GABBR2: variants seen among roughly 807,000 people sequenced by gnomAD.
GABBR2 encodes gamma-aminobutyric acid type B receptor subunit 2.
In GABBR2, 23 loss-of-function variants were observed where a neutral mutation model predicts 105.6. The observed-to-expected ratio is 0.22, with a 90% CI of 0.16 to 0.31. The LOEUF is 0.31. GABBR2 is among the 10% of genes least tolerant of loss of function. The pLI, the probability that GABBR2 is intolerant of heterozygous loss-of-function variation, is 1.00. For missense variants in GABBR2, 734 were observed against 1,245.5 expected (o/e 0.59, Z 6.18); for synonymous variants, 478 against 499.7 (o/e 0.96, Z 0.58).
At chr9:98,635,810 G>C (rs568499985) in intron 1 of GABBR2, among the ~76,000 whole-genome samples, 119 of 152,264 alleles carry the variant, frequency 7.8e-4, no homozygotes, top group Non-Finnish European at 9.6e-4. Context: ...TCTTAGACTG[G>C]GTACAGGATT....
chr9:98,402,864 G>T (rs559892949), intron 8 of GABBR2, among the ~76,000 whole-genome samples: 1 of 152,094 alleles, frequency 6.6e-6, no homozygotes, highest in Admixed American at 6.5e-5. Flanking sequence ...GGTAGATAAG[G>T]CACCTCTGAA....
intron 3 of GABBR2, among the ~76,000 whole-genome samples, chr9:98,507,626 T>A (rs1564096845): frequency 6.6e-6 from 1 of 152,190 alleles, no homozygotes; most frequent in Non-Finnish European, 1.5e-5. Flanking sequence ...AGGAAACTGA[T>A]ACAATAAGCT....
At chr9:98,380,861 T>C (rs539596297) in intron 11 of GABBR2, among the ~76,000 whole-genome samples, 12 of 152,322 alleles carry the variant, frequency 7.9e-5, no homozygotes, top group Admixed American at 3.3e-4. Context: ...GTGACTGTCA[T>C]AGGTTTCTGC....
At chr9:98,483,454 C>T (rs553798457) in intron 4 of GABBR2, among the ~76,000 whole-genome samples, 1 of 152,264 alleles carries the variant, frequency 6.6e-6, no homozygotes, top group South Asian at 2.1e-4. Flanking sequence ...CCATGGCTTC[C>T]TGAGGTTTGC....
At chr9:98,668,474 A>C (rs191135700) in intron 1 of GABBR2, among the ~76,000 whole-genome samples, 6 of 152,318 alleles carry the variant, frequency 3.9e-5, no homozygotes, top group Admixed American at 3.3e-4. Flanking sequence ...GAAAGCTAAC[A>C]TTTTAACTTT....
intron 1 of GABBR2, among the ~76,000 whole-genome samples, chr9:98,690,229 T>G (rs1181938342): frequency 6.6e-6 from 1 of 152,162 alleles, no homozygotes; most frequent in East Asian, 1.9e-4. Context: ...TTGGAGCAGG[T>G]GCCTTTCCCC....
At chr9:98,577,546 C>A (rs1249185599) in intron 2 of GABBR2, among the ~76,000 whole-genome samples, 1 of 152,176 alleles carries the variant, frequency 6.6e-6, no homozygotes, top group East Asian at 1.9e-4. Context: ...GAGCAGGGCT[C>A]TGAGGCCCAA....
intron 7 of GABBR2, among the ~76,000 whole-genome samples, chr9:98,420,544 C>T (rs1832765373): frequency 6.6e-6 from 1 of 152,178 alleles, no homozygotes; most frequent in South Asian, 2.1e-4. Flanking sequence ...TACAACAATC[C>T]CCAAGACTTA....
intron 1 of GABBR2, among the ~76,000 whole-genome samples, chr9:98,644,096 C>A (rs1830001445): frequency 6.6e-6 from 1 of 152,260 alleles, no homozygotes. Context: ...TGCACTGTCA[C>A]CTGGAAAGCG....
intron 7 of GABBR2, among the ~76,000 whole-genome samples, chr9:98,446,405 T>C (rs1826130749): frequency 6.6e-6 from 1 of 152,234 alleles, no homozygotes; most frequent in Admixed American, 6.5e-5. Context: ...TGTAAGTAAC[T>C]TCTCCAAGGT....
At chr9:98,637,938 A>G (rs879603404) in intron 1 of GABBR2, among the ~76,000 whole-genome samples, 3 of 152,250 alleles carry the variant, frequency 2.0e-5, no homozygotes, top group Non-Finnish European at 4.4e-5. Flanking sequence ...CATACTATAT[A>G]CTGGATAGTG....
intron 13 of GABBR2, among the ~76,000 whole-genome samples, chr9:98,353,657 A>G (rs189318199): frequency 3.1e-4 from 47 of 152,340 alleles, no homozygotes; most frequent in African/African-American, 1.1e-3. Context: ...TGAAAACAAC[A>G]TTCATCTTCT....
intron 2 of GABBR2, among the ~76,000 whole-genome samples, chr9:98,555,494 C>A (rs369401897): frequency 4.5e-4 from 68 of 152,314 alleles, no homozygotes; most frequent in African/African-American, 1.6e-3. Flanking sequence ...ATTTTCCCCT[C>A]ACAGCTGTGC....
intron 14 of GABBR2, among the ~76,000 whole-genome samples, chr9:98,308,445 A>C (rs1467855527): frequency 1.3e-5 from 2 of 152,338 alleles, no homozygotes; most frequent in Non-Finnish European, 2.9e-5. Context: ...TGGTGACTCT[A>C]AAAGATATGT....
chr9:98,433,851 C>T (rs772394530), intron 7 of GABBR2, among the ~76,000 whole-genome samples: 4 of 152,076 alleles, frequency 2.6e-5, no homozygotes, highest in Non-Finnish European at 2.9e-5. Flanking sequence ...AGGGCTGAAC[C>T]TTATGGAGAG....
At chr9:98,498,567 A>C (rs1014978958) in intron 3 of GABBR2, among the ~76,000 whole-genome samples, 2 of 152,210 alleles carry the variant, frequency 1.3e-5, no homozygotes, top group African/African-American at 4.8e-5. Flanking sequence ...TCTTTGACAG[A>C]AATATGAAGC....
rs550453138 is a variant in GABBR2, at chr9:98,454,654, A to G, written c.1000-437T>C. On this transcript the variant is annotated intron_variant, in intron 6 of 18. Coordinates refer to ENST00000259455, the MANE Select transcript of GABBR2 (RefSeq NM_005458.8). This position sits in a 1 kb window ranked among gnomAD's most constrained non-coding sequence, Gnocchi z 4.6. ...TATTCTCTATCTCCTCATCGTAATAAATACACCTTCCTAGGGATCTGGAAG... is the reference window on the plus strand; with the variant it reads ...TATTCTCTATCTCCTCATCGTAATAGATACACCTTCCTAGGGATCTGGAAG... Among the ~76,000 whole-genome samples, 2 of 152,304 alleles carry G rather than the reference A, an allele frequency of 1.3e-5. No individual in the cohort carries two copies. Among genetic ancestry groups the G allele is most frequent in the Admixed American group, 1.3e-4 (2 of 15,302 alleles).
At chr9:98,575,977 C>T (rs1259177645) in intron 2 of GABBR2, among the ~76,000 whole-genome samples, 2 of 152,210 alleles carry the variant, frequency 1.3e-5, no homozygotes, top group Non-Finnish European at 2.9e-5. Context: ...CCTCCTTCAG[C>T]AGCCAGCTTC....
intron 5 of GABBR2, among the ~76,000 whole-genome samples, chr9:98,476,380 G>A (rs988641984): frequency 6.6e-6 from 1 of 152,108 alleles, no homozygotes; most frequent in South Asian, 2.1e-4. Flanking sequence ...TTCTAACCTA[G>A]CTTCTGACTT....
Sources: allele counts gnomAD v4.1 joint callset (sites outside exome capture counted in the v4.1 genomes callset), GRCh38; gene constraint gnomAD v4.1.1; non-coding constraint Gnocchi (gnomAD v3.1); transcripts MANE v1.5; gene names NCBI Gene and HGNC (gene_info 2026-07-23, HGNC 2026-07-21).